Variants in OTOGL observed in about 807,000 individuals in gnomAD.
OTOGL encodes the protein otogelin like, also known as otogelin-like protein.
A neutral mutation model predicts 318.5 loss-of-function variants in OTOGL; 285 were observed. The observed-to-expected ratio is 0.89, with a 90% CI of 0.81 to 0.99. The LOEUF is 0.99. Ranked by LOEUF, OTOGL falls within the 50% of genes least tolerant of loss-of-function variation. OTOGL has a pLI of 0.00. For synonymous variants in OTOGL, 987 were observed against 936.5 expected (o/e 1.05, Z -0.99); for missense variants, 2,899 against 2,845.6 (o/e 1.02, Z -0.43).
intron 24 of OTOGL, among the ~76,000 whole-genome samples, chr12:80,276,184 G>T (rs1883792217): frequency 6.6e-6 from 1 of 151,664 alleles, no homozygotes; most frequent in African/African-American, 2.4e-5. Flanking sequence ...GGTTCATTTT[G>T]GTGAGGTTTC....
At chr12:80,325,744 T>TG (rs1365283767) in intron 35 of OTOGL, among the ~76,000 whole-genome samples, 1 of 152,152 alleles carries the variant, frequency 6.6e-6, no homozygotes, top group Non-Finnish European at 1.5e-5. Context: ...ACAGTGGCCC[T>TG]GGAGTGAGGC....
intron 52 of OTOGL, among the ~76,000 whole-genome samples, chr12:80,360,258 T>C (rs1890152690): frequency 6.6e-6 from 1 of 152,130 alleles, no homozygotes; most frequent in Non-Finnish European, 1.5e-5. Context: ...GTAAATTTCT[T>C]AATTTTTTTT....
intron 1 of OTOGL, among the ~76,000 whole-genome samples, chr12:80,157,657 T>C (rs1267052721): frequency 3.3e-5 from 5 of 152,200 alleles, no homozygotes; most frequent in Non-Finnish European, 7.4e-5. Flanking sequence ...TATCCAGTTT[T>C]CCCAGCACCA....
At chr12:80,341,230 T>A (rs1296739876) in intron 43 of OTOGL, among the ~76,000 whole-genome samples, 1 of 152,146 alleles carries the variant, frequency 6.6e-6, no homozygotes, top group African/African-American at 2.4e-5. Flanking sequence ...TTGGCTTTTC[T>A]CAAGGTAAAT....
At chr12:80,203,097 C>T (rs976829236) in intron 1 of OTOGL, among the ~76,000 whole-genome samples, 9 of 152,118 alleles carry the variant, frequency 5.9e-5, no homozygotes, top group African/African-American at 2.2e-4. Flanking sequence ...AGTGTGAATG[C>T]ATTCATTTTC....
Position 80,238,932 on chromosome 12 carries a change from C to T in OTOGL, c.899C>T (p.Pro300Leu), listed in dbSNP as rs1174156166. 11 of 1,596,282 alleles carry T rather than the reference C, an allele frequency of 6.9e-6. No individual in the cohort carries two copies. The highest frequency in any genetic ancestry group is 1.7e-5 in the Admixed American group (1 of 59,562). Reference protein sequence around the residue: ...TPDDTKCVLTPSDFPNPCSSG... With the variant: ...TPDDTKCVLTLSDFPNPCSSG... ...GATGACACCAAATGTGTACTCACAC[C>T]CTCAGATTTTCCAAATCCGTGCTCC... The change falls in exon 10 of 59, where the codon CCC (proline) becomes CTC (leucine). Residue 300 changes from proline (P) to leucine (L), a missense_variant. Physicochemically the swap from Pro to Leu is moderately conservative, Grantham distance 98. Coordinates refer to ENST00000547103, the MANE Select transcript of OTOGL (RefSeq NM_001378609.3).
chr12:80,127,079 T>G (rs1278699861), intron 1 of OTOGL, among the ~76,000 whole-genome samples: 2 of 152,232 alleles, frequency 1.3e-5, no homozygotes, highest in Non-Finnish European at 2.9e-5. Flanking sequence ...TTTGATCCTG[T>G]CATTGTGATG....
chr12:80,264,765 A>G (rs1288680606), intron 19 of OTOGL, among the ~76,000 whole-genome samples: 1 of 151,384 alleles, frequency 6.6e-6, no homozygotes, highest in Non-Finnish European at 1.5e-5. Context: ...CCCTTCTATT[A>G]CTCATGTTAT....
chr12:80,291,566 A>T (rs1173219668), intron 26 of OTOGL, among the ~76,000 whole-genome samples: 1 of 152,176 alleles, frequency 6.6e-6, no homozygotes, highest in Admixed American at 6.5e-5. Context: ...TCAGAAAGTG[A>T]TGTGCTTTAC....
rs1421047547 is a variant in OTOGL, at chr12:80,256,340, C to T, written c.1591C>T (p.Leu531Phe). ...TLQKAPCEQN[L>F]GLVCLQSITL... ...TGATAATTTGATTTTTACGCAGAAT[C>T]TTGGCTTGGTCTGCCTTCAGTCTAT... Residue 531 changes from leucine (L) to phenylalanine (F), a missense_variant, in exon 17 of 59, where the codon CTT (leucine) becomes TTT (phenylalanine). Leu to Phe is a conservative substitution (Grantham distance 22). Coordinates refer to ENST00000547103, the MANE Select transcript of OTOGL (RefSeq NM_001378609.3). 1 of 1,595,320 alleles carries T rather than the reference C, an allele frequency of 6.3e-7. No individual in the cohort carries two copies. Among genetic ancestry groups the T allele is most frequent in the Non-Finnish European group, 8.5e-7 (1 of 1,176,918 alleles).
chr12:80,268,761 G>T (rs1883191461), intron 22 of OTOGL, among the ~76,000 whole-genome samples: 1 of 151,982 alleles, frequency 6.6e-6, no homozygotes, highest in South Asian at 2.1e-4. Context: ...CATCATCACT[G>T]CTTTAGCAAT....
intron 23 of OTOGL, 147 bp downstream of exon 23, chr12:80,270,301 TTAAC>T: frequency 1.5e-6 from 1 of 684,730 alleles, no homozygotes; most frequent in South Asian, 2.0e-5. Context: ...CCAGTGCTTC[TTAAC>T]TTTTTCCACA....
At chr12:80,367,399 G>T (rs1890609630) in intron 53 of OTOGL, among the ~76,000 whole-genome samples, 162 bp from the exon 54 acceptor site, 2 of 151,966 alleles carry the variant, frequency 1.3e-5, no homozygotes, top group Admixed American at 6.6e-5. Context: ...ACATTTTTAA[G>T]TAAATATTGG....
intron 1 of OTOGL, among the ~76,000 whole-genome samples, chr12:80,173,094 T>G (rs1592517381): frequency 6.6e-6 from 1 of 151,978 alleles, no homozygotes; most frequent in Admixed American, 6.5e-5. Flanking sequence ...AACTTAAAAG[T>G]TGGGGAACAA....
intron 8 of OTOGL, among the ~76,000 whole-genome samples, chr12:80,229,947 A>T (rs149198443): frequency 8.5e-4 from 129 of 151,684 alleles, no homozygotes; most frequent in Non-Finnish European, 1.6e-3. Context: ...CAAAAATATG[A>T]CATGAGAATT....
chr12:80,189,562 A>G (rs1875532233), intron 1 of OTOGL: 2 of 766,034 alleles, frequency 2.6e-6, no homozygotes, highest in South Asian at 6.0e-5. Context: ...TGAAATGACA[A>G]TATAGTTATC....
chr12:80,193,990 T>C (rs1438927266), intron 1 of OTOGL, among the ~76,000 whole-genome samples: 1 of 152,182 alleles, frequency 6.6e-6, no homozygotes, highest in African/African-American at 2.4e-5. Flanking sequence ...CAGAACAAAA[T>C]TGGATAAGCA....
rs1302512137 is a variant in OTOGL, at chr12:80,122,637, GA to G, written c.-20+23035del. On this transcript the variant is annotated intron_variant, in intron 1 of 58. Transcript: ENST00000547103. ...AAGGTAAGCTTGGCAAGAAGCAAAAGAAATGAGGCACATTTCTCTAGTGTCA... is the reference window on the plus strand; with the variant it reads ...AAGGTAAGCTTGGCAAGAAGCAAAAGAATGAGGCACATTTCTCTAGTGTCA... 3.3e-5 allele frequency among the ~76,000 whole-genome samples: 5 copies of G among 152,236 alleles called. No homozygotes were observed. In the East Asian group the frequency reaches 9.6e-4, roughly 29 times the overall value.
In OTOGL at chr12:80,369,790, G is replaced by A. The variant is rs890300202; in HGVS notation, c.6616-780G>A. On this transcript the variant is annotated intron_variant, in intron 55 of 58. Coordinates refer to ENST00000547103, the MANE Select transcript of OTOGL (RefSeq NM_001378609.3). ...CAACATGCCCCCACCATGGCCAACCGTCTTGAAATAAAGTAGAATAAAATG... is the reference window on the plus strand; with the variant it reads ...CAACATGCCCCCACCATGGCCAACCATCTTGAAATAAAGTAGAATAAAATG... Among the ~76,000 whole-genome samples, 5 of 152,044 alleles carry A rather than the reference G, an allele frequency of 3.3e-5. No individual in the cohort carries two copies. In the South Asian group the frequency reaches 6.2e-4, roughly 19 times the overall value.
Sources: gnomAD v4.1 joint callset for allele counts (sites outside exome capture counted in the v4.1 genomes callset) on GRCh38, gnomAD v4.1.1 for gene constraint, MANE v1.5 for transcripts, NCBI Gene and HGNC (gene_info 2026-07-23, HGNC 2026-07-21) for gene names.